TARBP1: variants seen among roughly 807,000 people sequenced by gnomAD.
TARBP1 encodes the protein tRNA guanosine 2 -O-methyltransferase TARBP1, also known as tRNA (guanosine(18)-2'-O)-methyltransferase TARBP1.
Under a neutral mutation model 178.6 loss-of-function variants are expected in TARBP1, and 144 were observed. The ratio of observed to expected loss-of-function variants is 0.81; its 90% confidence interval spans 0.70 to 0.93. The LOEUF is 0.93. Ranked by LOEUF, TARBP1 falls within the 40% of genes least tolerant of loss-of-function variation. The pLI is 0.00. For missense variants in TARBP1, 2,067 were observed against 2,011.7 expected, an observed-to-expected ratio of 1.03 and a Z score of -0.53; for synonymous variants, 787 against 781.0, an observed-to-expected ratio of 1.01 and a Z score of -0.13.
At chr1:234,400,346 T>C (rs1660557647) in intron 25 of TARBP1, 1 of 152,230 alleles carries the variant, frequency 6.6e-6, no homozygotes, top group South Asian at 2.1e-4. Flanking sequence ...GAGCAGAGCA[T>C]ATTAAAATCT....
chr1:234,455,534 C>T (rs1418876238), intron 9 of TARBP1, among the ~76,000 whole-genome samples: 4 of 152,176 alleles, frequency 2.6e-5, no homozygotes, highest in Non-Finnish European at 5.9e-5. Flanking sequence ...TCTTTGCCTA[C>T]TGAGATAAAG....
intron 9 of TARBP1, among the ~76,000 whole-genome samples, chr1:234,455,884 G>A (rs1667221284): frequency 6.6e-6 from 1 of 151,788 alleles, no homozygotes; most frequent in Non-Finnish European, 1.5e-5. Flanking sequence ...AACAAAATGG[G>A]GAAAGGACAA....
intron 23 of TARBP1, among the ~76,000 whole-genome samples, chr1:234,408,852 C>T (rs1267083863): frequency 2.6e-5 from 4 of 152,226 alleles, no homozygotes; most frequent in Non-Finnish European, 4.4e-5. Flanking sequence ...GCTCTGTGTA[C>T]TCTTCCTCTA....
At chr1:234,451,748 C>CAAAAAAAAAAAAAAAAAAAAAAAA (rs766485621) in intron 9 of TARBP1, among the ~76,000 whole-genome samples, 1 of 6,622 alleles carries the variant, frequency 1.5e-4, no homozygotes, top group African/African-American at 1.3e-3. Context: ...GACTCCGTCT[C>CAAAAAAAAAAAAAAAAAAAAAAAA]AAAAAAAAAA....
At chr1:234,466,664 A>ACCAGC (rs1668473493) in intron 4 of TARBP1, among the ~76,000 whole-genome samples, 4 of 152,216 alleles carry the variant, frequency 2.6e-5, no homozygotes, top group Admixed American at 2.6e-4. Flanking sequence ...GGAGTTCGAG[A>ACCAGC]CCAGCCCAGC....
At chr1:234,397,143 C>T (rs1660018561) in intron 26 of TARBP1, among the ~76,000 whole-genome samples, 2 of 113,152 alleles carry the variant, frequency 1.8e-5, no homozygotes. Flanking sequence ...TTAAGACGGT[C>T]ATTTTTAAAT....
intron 3 of TARBP1, 40 bp downstream of exon 3, chr1:234,471,148 C>A: frequency 6.9e-7 from 1 of 1,451,750 alleles, no homozygotes; most frequent in South Asian, 1.3e-5. Flanking sequence ...AGGGGAAAAC[C>A]ATAAATGTTA....
intron 13 of TARBP1, 147 bp downstream of exon 13, chr1:234,437,128 G>A (rs562279171): frequency 9.3e-6 from 4 of 427,910 alleles, no homozygotes; most frequent in Non-Finnish European, 1.7e-5. Flanking sequence ...AGACCCCAAA[G>A]TCTAAGGTTT....
Position 234,434,283 on chromosome 1 carries a change from T to A in TARBP1, c.2233-712A>T, listed in dbSNP as rs367613962. ...ATCACAGGGTTTCTGAAGGAATCAA[T>A]GGGAGAAATTATTACTATATTAATA... On this transcript the variant is annotated intron_variant, in intron 13 of 29. Coordinates refer to ENST00000040877, the MANE Select transcript of TARBP1 (RefSeq NM_005646.4). Among the ~76,000 whole-genome samples the A allele has an allele frequency of 1.8e-4, 27 of 152,258 alleles. No individual in the cohort carries two copies. The East Asian group carries it at 3.1e-3, about 17-fold the overall frequency.
In TARBP1 at chr1:234,391,668, A is replaced by C. The variant is rs775976118; in HGVS notation, c.4775T>G (p.Ile1592Ser). The stretch of plus-strand genomic sequence containing the variant: ...ACTCACATGGACATTCAGGGAGCGG[A>C]TAATGCCCTGTTGAGGAATTTCCAC... ...VCVEIPQQGI[I>S]RSLNVHVSGA... The change falls in exon 30 of 30, where the codon ATC becomes AGC. Residue 1592 changes from isoleucine (I) to serine (S), a missense_variant. Transcript: ENST00000040877. 5 of 1,613,708 alleles carry C rather than the reference A, an allele frequency of 3.1e-6. No homozygotes were observed. The African/African-American group carries it at 6.7e-5, about 22-fold the overall frequency.
intron 22 of TARBP1, among the ~76,000 whole-genome samples, chr1:234,415,920 C>T (rs1662367684): frequency 6.6e-6 from 1 of 152,212 alleles, no homozygotes; most frequent in African/African-American, 2.4e-5. Context: ...TCCCCACTAC[C>T]TTTTTTGAAT....
intron 11 of TARBP1, 63 bp downstream of exon 11, chr1:234,448,417 C>T: frequency 1.4e-6 from 2 of 1,396,086 alleles, no homozygotes; most frequent in African/African-American, 1.4e-5. Context: ...AATCTGAATA[C>T]ACATCATAAT....
chr1:234,423,109 T>G (rs1663300580), intron 20 of TARBP1, among the ~76,000 whole-genome samples: 1 of 152,216 alleles, frequency 6.6e-6, no homozygotes, highest in Non-Finnish European at 1.5e-5. Flanking sequence ...GACCACACTT[T>G]AAGAATTACT....
intron 18 of TARBP1, 46 bp from the exon 19 acceptor site, chr1:234,427,434 A>T: frequency 6.7e-7 from 1 of 1,500,180 alleles, no homozygotes; most frequent in Non-Finnish European, 9.0e-7. Flanking sequence ...TTTTAAATAG[A>T]AAAAAAATTA....
At chr1:234,444,504 A>C (rs1350696849) in intron 12 of TARBP1, among the ~76,000 whole-genome samples, 1 of 152,184 alleles carries the variant, frequency 6.6e-6, no homozygotes, top group Non-Finnish European at 1.5e-5. Context: ...GCTGGAGGAA[A>C]ACACAGCCGT....
chr1:234,451,895 A>G (rs1382206289), intron 9 of TARBP1, among the ~76,000 whole-genome samples: 1 of 152,090 alleles, frequency 6.6e-6, no homozygotes, highest in Non-Finnish European at 1.5e-5. Context: ...TAATCTTAAG[A>G]TATTATTGTC....
rs868750374 is a variant in TARBP1 at position 234,435,202 on chromosome 1, C to G, written c.2233-1631G>C. 6.4e-4 allele frequency among the ~76,000 whole-genome samples: 98 copies of G among 152,324 alleles called. 1 individual carries two copies. Among genetic ancestry groups the G allele is most frequent in the African/African-American group, 2.2e-3 (91 of 41,576 alleles). ...CAGTGGCTCACGCCTGTAATCCCAG[C>G]ACTTTGGGAGGTCAAGGCAGGCAGA... On this transcript the variant is annotated intron_variant, in intron 13 of 29. Coordinates refer to ENST00000040877, the MANE Select transcript of TARBP1 (RefSeq NM_005646.4).
At chr1:234,438,052 C>T (rs1018092208) in intron 12 of TARBP1, among the ~76,000 whole-genome samples, 3 of 152,096 alleles carry the variant, frequency 2.0e-5, no homozygotes, top group Admixed American at 2.0e-4. Context: ...TGGCATGGGT[C>T]CAAAGAGCAT....
intron 23 of TARBP1, among the ~76,000 whole-genome samples, chr1:234,409,087 A>G (rs1422091370): frequency 3.3e-5 from 5 of 152,222 alleles, no homozygotes; most frequent in African/African-American, 7.2e-5. Context: ...AACGGACTTT[A>G]CGTATCACAA....
Sources: gnomAD v4.1 joint callset for allele counts (sites outside exome capture counted in the v4.1 genomes callset) on GRCh38, gnomAD v4.1.1 for gene constraint, MANE v1.5 for transcripts, NCBI Gene and HGNC (gene_info 2026-07-23, HGNC 2026-07-21) for gene names.